STK35: variants seen among roughly 807,000 people sequenced by gnomAD.
The protein encoded by STK35 is serine/threonine kinase 35.
Under a neutral mutation model 37.3 loss-of-function variants are expected in STK35, and 17 were observed. The ratio of observed to expected loss-of-function variants is 0.46; its 90% CI spans 0.31 to 0.68. The LOEUF (loss-of-function observed/expected upper bound fraction) is 0.68. Ranked by LOEUF, STK35 falls within the 30% of genes least tolerant of loss-of-function variation. STK35 has a pLI of 0.05. For missense variants in STK35, 595 were observed against 746.7 expected, an observed-to-expected ratio of 0.80 and a Z score of 2.37; for synonymous variants, 385 against 319.1, an observed-to-expected ratio of 1.21 and a Z score of -2.20.
At chr20:2,139,507 G>A (rs1030279936) in intron 3 of STK35, among the ~76,000 whole-genome samples, 5 of 152,174 alleles carry the variant, frequency 3.3e-5, no homozygotes, top group African/African-American at 7.2e-5. Context: ...ATTTTGCATC[G>A]TTACATGTCA....
rs1386588543 is a variant in STK35, at chr20:2,102,024, C to A, written c.143C>A (p.Ala48Glu). The change falls in exon 1 of 4, where the codon GCG (alanine) becomes GAG (glutamate). Residue 48 changes from alanine (A) to glutamate (E), a missense_variant. Transcript: ENST00000381482. Reference protein sequence around the residue: ...LGAQASPASAAAAEGSATRRA... With the variant: ...LGAQASPASAEAAEGSATRRA... ...GCCCAGGCTTCCCCAGCGAGCGCCG[C>A]GGCAGCAGAAGGATCCGCTACACGC... The A allele has an allele frequency of 1.3e-6, 2 of 1,527,588 alleles. No homozygotes were observed. The highest frequency in any genetic ancestry group is 2.8e-5 in the African/African-American group (2 of 72,090). 94.6% of individuals were successfully genotyped at this position (1,527,588 alleles called of 1,614,324 possible).
intron 3 of STK35, among the ~76,000 whole-genome samples, chr20:2,138,586 G>C (rs935590670): frequency 6.6e-6 from 1 of 152,214 alleles, no homozygotes. Flanking sequence ...GAGCACTGGA[G>C]TGACGATAAA....
rs975887702 is a variant in STK35 at position 2,144,536 on chromosome 20, T to G, written c.*790T>G. On this transcript the variant is annotated 3_prime_UTR_variant, in exon 4 of 4. Coordinates refer to ENST00000381482, the MANE Select transcript of STK35 (RefSeq NM_080836.4). ...CCCTGTGTTGCAGGGAACTAGGAGGTAAGGGTGGAGGGCGACCATCTCGCT... is the reference window on the plus strand; with the variant it reads ...CCCTGTGTTGCAGGGAACTAGGAGGGAAGGGTGGAGGGCGACCATCTCGCT... 1 of 152,670 alleles carries G rather than the reference T, an allele frequency of 6.6e-6. No individual in the cohort carries two copies. The highest frequency in any genetic ancestry group is 2.4e-5 in the African/African-American group (1 of 41,358). The allele number at this position is 152,670 out of a possible 1,614,324, so 9.5% of individuals were successfully genotyped here.
chr20:2,117,010 T>A lies in STK35; in HGVS notation c.1237T>A (p.Ser413Thr). Reference protein sequence around the residue: ...KNVNVNKYWLSSACGSDFYMA... With the variant: ...KNVNVNKYWLTSACGSDFYMA... ...TGTGAATGTGAATAAGTACTGGCTG[T>A]CCTCAGCCTGCGGTTCGGACTTCTA... is the stretch of plus-strand genomic sequence containing the variant. The change falls in exon 3 of 4, where the codon TCC becomes ACC. Residue 413 changes from serine (S) to threonine (T), a missense_variant. Coordinates refer to ENST00000381482, the MANE Select transcript of STK35 (RefSeq NM_080836.4). The surrounding 1 kb of genome is among the most constrained non-coding windows in gnomAD (Gnocchi z 4.4). The A allele has an allele frequency of 6.2e-7, 1 of 1,614,156 alleles. No individual in the cohort carries two copies. Among genetic ancestry groups the A allele is most frequent in the Non-Finnish European group, 8.5e-7 (1 of 1,180,042 alleles).
At chr20:2,133,063 TTC>T (rs1300274436) in intron 3 of STK35, among the ~76,000 whole-genome samples, 1 of 152,248 alleles carries the variant, frequency 6.6e-6, no homozygotes, top group African/African-American at 2.4e-5. Flanking sequence ...ATAGCATTCT[TTC>T]TCCCAAAGAG....
intron 3 of STK35, among the ~76,000 whole-genome samples, chr20:2,136,823 G>T (rs1354696175): frequency 1.3e-5 from 2 of 152,206 alleles, no homozygotes; most frequent in Non-Finnish European, 2.9e-5. Flanking sequence ...ACACGACAAG[G>T]CTAGTGGGAT....
At chr20:2,120,650 G>A (rs779526388) in intron 3 of STK35, among the ~76,000 whole-genome samples, 27 of 152,198 alleles carry the variant, frequency 1.8e-4, no homozygotes, top group Non-Finnish European at 1.5e-5. Flanking sequence ...GCCAAGTTTT[G>A]TAGATGGACA....
At chr20:2,142,689 C>G (rs2122592655) in intron 3 of STK35, among the ~76,000 whole-genome samples, 1 of 152,266 alleles carries the variant, frequency 6.6e-6, no homozygotes, top group Non-Finnish European at 1.5e-5. Flanking sequence ...CACAGGAGTT[C>G]AAGGTTGCAG....
rs1349647385 is a variant in STK35, at chr20:2,144,802, T to C, written c.*1056T>C. ...GTGACTTTGCCATGATAACAGGGTGTCCTGAACTGGCTGCCGTTGTCGTGT... is the reference window on the plus strand; with the variant it reads ...GTGACTTTGCCATGATAACAGGGTGCCCTGAACTGGCTGCCGTTGTCGTGT... On this transcript the variant is annotated 3_prime_UTR_variant, in exon 4 of 4. Transcript: ENST00000381482. The C allele has an allele frequency of 1.3e-5, 2 of 152,966 alleles. No homozygotes were observed. Among genetic ancestry groups the C allele is most frequent in the Non-Finnish European group, 2.9e-5 (2 of 68,256 alleles). 9.5% of individuals were successfully genotyped at this position (152,966 alleles called of 1,614,324 possible). A position where few individuals can be genotyped will look rare whatever the true frequency, so the allele number is the denominator to read the frequency against.
chr20:2,141,542 C>T (rs780585551), intron 3 of STK35, among the ~76,000 whole-genome samples: 8 of 152,156 alleles, frequency 5.3e-5, no homozygotes, highest in Non-Finnish European at 1.0e-4. Flanking sequence ...ATTGGAGCTG[C>T]CAGCTTTTCT....
intron 2 of STK35, among the ~76,000 whole-genome samples, chr20:2,108,516 A>G (rs1013259340): frequency 6.6e-6 from 1 of 152,300 alleles, no homozygotes; most frequent in Middle Eastern, 3.4e-3. Flanking sequence ...TCCAAAAAAA[A>G]AGAAAGAAAC....
Position 2,117,680 on chromosome 20 carries a change from A to G in STK35, c.*37+265A>G, listed in dbSNP as rs925896203. Among the ~76,000 whole-genome samples, 1 of 152,144 alleles carries G rather than the reference A, an allele frequency of 6.6e-6. No individual in the cohort carries two copies. The highest frequency in any genetic ancestry group is 1.5e-5 in the Non-Finnish European group (1 of 68,024). ...GGCTGGTCTCAAACTTCTGACCTCA[A>G]GCGATCTGCTGGTCTCAGCCTCCCA... On this transcript the variant is annotated intron_variant, in intron 3 of 3. Transcript: ENST00000381482. The surrounding 1 kb of genome is among the most constrained non-coding windows in gnomAD (Gnocchi z 4.4).
At chr20:2,130,635 G>C (rs1190612225) in intron 3 of STK35, among the ~76,000 whole-genome samples, 1 of 152,086 alleles carries the variant, frequency 6.6e-6, no homozygotes, top group East Asian at 1.9e-4. Context: ...ATGATTGCTG[G>C]CTGTAAAATT....
intron 2 of STK35, among the ~76,000 whole-genome samples, chr20:2,105,210 A>AGGAGC (rs1184639489): frequency 1.3e-5 from 2 of 150,974 alleles, no homozygotes; most frequent in African/African-American, 4.9e-5. Context: ...CCTATATTCT[A>AGGAGC]GGAGCGCATC....
Position 2,103,281 on chromosome 20 carries a change from C to G in STK35, c.808C>G (p.Gln270Glu). The change falls in exon 2 of 4, where the codon CAG (glutamine) becomes GAG (glutamate). Residue 270 changes from glutamine to glutamate, a missense_variant. Physicochemically the swap from Gln to Glu is conservative, Grantham distance 29 (BLOSUM62 2). Coordinates refer to ENST00000381482, the MANE Select transcript of STK35 (RefSeq NM_080836.4). Reference sequence around the variant, plus strand: ...CGTGCAGTTTGAGGAGTGCGTCCTGCAGCGCAATGGGTTAGCCCAGCGCAT... The same window carrying G: ...CGTGCAGTTTGAGGAGTGCGTCCTGGAGCGCAATGGGTTAGCCCAGCGCAT... ...NVVQFEECVL[Q>E]RNGLAQRMSH... 1 of 1,613,072 alleles carries G rather than the reference C, an allele frequency of 6.2e-7. No individual in the cohort carries two copies. Among genetic ancestry groups the G allele is most frequent in the Non-Finnish European group, 8.5e-7 (1 of 1,179,798 alleles).
intron 2 of STK35, 92 bp from the exon 3 acceptor site, chr20:2,116,574 A>T (rs574180782): frequency 7.2e-7 from 1 of 1,379,866 alleles, no homozygotes. Context: ...TTTGTCACCA[A>T]TGTCACTCTT....
In STK35 at chr20:2,130,500, G is replaced by A. The variant is rs557329662; in HGVS notation, c.*37+13085G>A. On this transcript the variant is annotated intron_variant, in intron 3 of 3. Coordinates refer to ENST00000381482, the MANE Select transcript of STK35 (RefSeq NM_080836.4). ...TTGTACTGTTTTGCTTTTTAGAGCTGAAAACCTGTGCGGGGTCTTGTCACA... is the reference window on the plus strand; with the variant it reads ...TTGTACTGTTTTGCTTTTTAGAGCTAAAAACCTGTGCGGGGTCTTGTCACA... Among the ~76,000 whole-genome samples, 17 of 152,280 alleles carry A rather than the reference G, an allele frequency of 1.1e-4. No homozygotes were observed. The East Asian group carries it at 3.1e-3, about 28-fold the overall frequency.
intron 3 of STK35, among the ~76,000 whole-genome samples, chr20:2,131,289 A>G (rs1985995162): frequency 6.6e-6 from 1 of 152,222 alleles, no homozygotes; most frequent in East Asian, 1.9e-4. Context: ...ATGTAAACAT[A>G]GAAAAGGTAC....
chr20:2,120,274 T>C (rs1985793511), intron 3 of STK35, among the ~76,000 whole-genome samples: 1 of 152,230 alleles, frequency 6.6e-6, no homozygotes, highest in East Asian at 1.9e-4. Flanking sequence ...TTGTGCTGTT[T>C]TGCAGGGCAG....
Sources: allele counts gnomAD v4.1 joint callset (sites outside exome capture counted in the v4.1 genomes callset), GRCh38; gene constraint gnomAD v4.1.1; non-coding constraint Gnocchi (gnomAD v3.1); transcripts MANE v1.5; gene names NCBI Gene and HGNC (gene_info 2026-07-23, HGNC 2026-07-21).